Variants in TWSG1 observed in about 807,000 individuals in gnomAD.
TWSG1 encodes the protein twisted gastrulation protein homolog 1.
Under a neutral mutation model 23.0 loss-of-function variants are expected in TWSG1, and 15 were observed. That is an observed-to-expected ratio of 0.65 (90% CI 0.44 to 1.00). The LOEUF (loss-of-function observed/expected upper bound fraction) is 1.00, where lower values mean the gene tolerates loss of function less well. Ranked by LOEUF, TWSG1 falls within the 50% of genes least tolerant of loss-of-function variation. TWSG1 has a pLI of 0.00. For synonymous variants in TWSG1, 86 were observed against 92.8 expected, an observed-to-expected ratio of 0.93 and a Z score of 0.42; for missense variants, 242 against 278.7, an observed-to-expected ratio of 0.87 and a Z score of 0.94.
In TWSG1 at chr18:9,401,083, C is replaced by T. The variant is rs1218130178; in HGVS notation, c.*1556C>T. On this transcript the variant is annotated 3_prime_UTR_variant, in exon 5 of 5. Transcript: ENST00000262120. ...ACTGTTATAAATTAAGGTCTTAATA[C>T]CTTTTCTGCTCTTTCAAATAACTCT... 1 of 152,104 alleles carries T rather than the reference C, an allele frequency of 6.6e-6. No homozygotes were observed. The highest frequency in any genetic ancestry group is 2.4e-5 in the African/African-American group (1 of 41,420). 9.4% of individuals were successfully genotyped at this position (152,104 alleles called of 1,614,324 possible).
chr18:9,344,430 T>A (rs901385228), intron 2 of TWSG1, among the ~76,000 whole-genome samples: 4 of 151,882 alleles, frequency 2.6e-5, no homozygotes, highest in African/African-American at 9.7e-5. Flanking sequence ...GGAGTGGTTA[T>A]GATTTGCATT....
chr18:9,375,805 A>G (rs2040627587), intron 3 of TWSG1, among the ~76,000 whole-genome samples: 1 of 152,246 alleles, frequency 6.6e-6, no homozygotes, highest in Non-Finnish European at 1.5e-5. Flanking sequence ...GAGGAAAACT[A>G]CAGTAATCTC....
At chr18:9,385,879 T>G (rs2040680554) in intron 3 of TWSG1, among the ~76,000 whole-genome samples, 1 of 151,092 alleles carries the variant, frequency 6.6e-6, no homozygotes, top group Admixed American at 6.6e-5. Context: ...AATTTAAAAT[T>G]CAAATGGGGC....
chr18:9,342,151 A>G (rs1183547640), intron 2 of TWSG1, among the ~76,000 whole-genome samples: 1 of 152,190 alleles, frequency 6.6e-6, no homozygotes, highest in African/African-American at 2.4e-5. Flanking sequence ...ATAATGGTTA[A>G]GCGTATGAAC....
Position 9,401,302 on chromosome 18 carries a change from CAGAA to C in TWSG1, c.*1778_*1781del, listed in dbSNP as rs1315054737. ...GCTGAAAGTATTCTGGAACTTTAGA[CAGAA>C]AGCTGAAAGGAATCTGCAGTCTCCT... On this transcript the variant is annotated 3_prime_UTR_variant, in exon 5 of 5. Transcript: ENST00000262120. 2 of 151,978 alleles carry C rather than the reference CAGAA, an allele frequency of 1.3e-5. No homozygotes were observed. The highest frequency in any genetic ancestry group is 4.8e-5 in the African/African-American group (2 of 41,310). 9.4% of individuals were successfully genotyped at this position (151,978 alleles called of 1,614,324 possible).
intron 3 of TWSG1, among the ~76,000 whole-genome samples, chr18:9,367,548 C>T (rs1403555757): frequency 6.6e-6 from 1 of 152,168 alleles, no homozygotes; most frequent in Non-Finnish European, 1.5e-5. Flanking sequence ...TAGCAGTCCG[C>T]CGCCTCTTAG....
intron 2 of TWSG1, 111 bp downstream of exon 2, chr18:9,337,463 G>T: frequency 8.8e-6 from 9 of 1,018,268 alleles, no homozygotes; most frequent in Non-Finnish European, 1.3e-5. Context: ...CCTGAGTATT[G>T]GGTCAGGGCC....
chr18:9,398,347 A>G (rs551338059), intron 4 of TWSG1, among the ~76,000 whole-genome samples: 15 of 152,230 alleles, frequency 9.9e-5, no homozygotes, highest in Non-Finnish European at 1.9e-4. Flanking sequence ...TGTCTTCAAG[A>G]CACAACTAAA....
intron 2 of TWSG1, among the ~76,000 whole-genome samples, chr18:9,350,427 G>C (rs1034545585): frequency 1.8e-4 from 27 of 152,058 alleles, no homozygotes; most frequent in African/African-American, 6.3e-4. Context: ...ACATAAAGTA[G>C]GAAAAATTGT....
At chr18:9,377,876 G>A (rs1598831193) in intron 3 of TWSG1, among the ~76,000 whole-genome samples, 5 of 152,018 alleles carry the variant, frequency 3.3e-5, no homozygotes, top group Admixed American at 3.3e-4. Context: ...GTGCCACCAC[G>A]CCTGGCTAAT....
At chr18:9,351,453 ATGTT>A (rs1167534392) in intron 2 of TWSG1, among the ~76,000 whole-genome samples, 2 of 152,104 alleles carry the variant, frequency 1.3e-5, no homozygotes, top group Admixed American at 1.3e-4. Context: ...GAAAAAAATT[ATGTT>A]TGGTTAGAAA....
intron 3 of TWSG1, among the ~76,000 whole-genome samples, chr18:9,378,568 A>ACC (rs1476087924): frequency 6.6e-6 from 1 of 152,220 alleles, no homozygotes; most frequent in African/African-American, 2.4e-5. Flanking sequence ...CAGTGAGATA[A>ACC]AAGATCTCTA....
chr18:9,398,444 TTTTG>T (rs373080620), intron 4 of TWSG1, among the ~76,000 whole-genome samples: 6,039 of 151,612 alleles, frequency 0.04, 392 homozygotes, highest in African/African-American at 0.14. Context: ...ATTTGCAGGT[TTTTG>T]TTTGTTTGTT....
intron 2 of TWSG1, among the ~76,000 whole-genome samples, chr18:9,358,866 GT>G (rs1405506368): frequency 6.6e-6 from 1 of 152,100 alleles, no homozygotes; most frequent in Non-Finnish European, 1.5e-5. Flanking sequence ...AAATATTAAT[GT>G]TTTTCGTATA....
chr18:9,358,983 A>C (rs1598825154), intron 2 of TWSG1, among the ~76,000 whole-genome samples: 2 of 152,248 alleles, frequency 1.3e-5, no homozygotes, highest in South Asian at 4.1e-4. Flanking sequence ...TGGCAAGGGG[A>C]GGGCAGGGGC....
At chr18:9,342,632 C>A (rs2040450949) in intron 2 of TWSG1, among the ~76,000 whole-genome samples, 2 of 152,102 alleles carry the variant, frequency 1.3e-5, no homozygotes, top group African/African-American at 4.8e-5. Context: ...TTTTTCCTCC[C>A]AAATGGAGCC....
rs1384637102 is a variant in TWSG1 at position 9,378,919 on chromosome 18, A to G, written c.224-17361A>G. On this transcript the variant is annotated intron_variant, in intron 3 of 4. Coordinates refer to ENST00000262120, the MANE Select transcript of TWSG1 (RefSeq NM_020648.6). ...TCACTAGAGCCTGGGAAATGAGAAA[A>G]TGCTCAATATCACTAATCATTACGT... Among the ~76,000 whole-genome samples, 5 of 152,264 alleles carry G rather than the reference A, an allele frequency of 3.3e-5. No homozygotes were observed. The East Asian group carries it at 9.6e-4, about 29-fold the overall frequency.
chr18:9,367,977 A>T (rs1239505419), intron 3 of TWSG1, among the ~76,000 whole-genome samples: 4 of 152,172 alleles, frequency 2.6e-5, no homozygotes, highest in Non-Finnish European at 5.9e-5. Context: ...GGAACATGAG[A>T]GTGCAAACAT....
intron 3 of TWSG1, among the ~76,000 whole-genome samples, chr18:9,374,680 G>T (rs4798797): frequency 0.47 from 72,112 of 151,974 alleles, 18,101 homozygotes; most frequent in East Asian, 0.71. Flanking sequence ...ATTCTGTGAG[G>T]TTAGCATTGT....
Sources: gnomAD v4.1 joint callset for allele counts (sites outside exome capture counted in the v4.1 genomes callset) on GRCh38, gnomAD v4.1.1 for gene constraint, MANE v1.5 for transcripts, NCBI Gene and HGNC (gene_info 2026-07-23, HGNC 2026-07-21) for gene names.